Variants in PARD3 observed in about 807,000 individuals in gnomAD.
The protein encoded by PARD3 is par-3 family cell polarity regulator, also known as partitioning defective 3 homolog.
In PARD3, 75 loss-of-function variants were observed where a neutral mutation model predicts 155.4. The observed-to-expected ratio is 0.48, with a 90% CI of 0.40 to 0.58. The LOEUF (loss-of-function observed/expected upper bound fraction) is 0.58. Among genes scored for constraint, PARD3 ranks in the 20% least tolerant of loss-of-function variants. The pLI, the probability that PARD3 is intolerant of heterozygous loss-of-function variation, is 0.00. For synonymous variants in PARD3, 576 were observed against 610.5 expected (o/e 0.94, Z 0.83); for missense variants, 1,642 against 1,721.7 (o/e 0.95, Z 0.82).
Position 34,815,232 on chromosome 10 carries a change from C to A in PARD3, c.-237G>T. 6.4e-6 allele frequency: 1 copy of A among 156,922 alleles called. No individual in the cohort carries two copies. 9.7% of individuals were successfully genotyped at this position (156,922 alleles called of 1,614,324 possible). ...TGCCTCGCCTCTCCCCGCCGCGGCG[C>A]CCGCAGCCTCCGGCCACCTGTTCGG... On this transcript the variant is annotated 5_prime_UTR_variant, in exon 1 of 25. Transcript: ENST00000374788.
chr10:34,761,876 T>C (rs1837486888), intron 1 of PARD3, among the ~76,000 whole-genome samples: 2 of 152,156 alleles, frequency 1.3e-5, no homozygotes, highest in African/African-American at 4.8e-5. Context: ...GGGAGGATGA[T>C]GTGTCAAGGA....
chr10:34,198,592 AG>A (rs1951064782), intron 22 of PARD3, among the ~76,000 whole-genome samples: 1 of 152,028 alleles, frequency 6.6e-6, no homozygotes, highest in South Asian at 2.1e-4. Flanking sequence ...TCTGCATTTT[AG>A]AATATTTATA....
chr10:34,667,120 A>G (rs2093506348), intron 2 of PARD3, among the ~76,000 whole-genome samples: 1 of 152,142 alleles, frequency 6.6e-6, no homozygotes, highest in South Asian at 2.1e-4. Context: ...GTGAGCTGAG[A>G]TGACACCACT....
intron 22 of PARD3, among the ~76,000 whole-genome samples, chr10:34,141,425 C>T (rs1444430100): frequency 6.6e-6 from 1 of 152,146 alleles, no homozygotes; most frequent in Non-Finnish European, 1.5e-5. Context: ...AAATTAAAAA[C>T]ATACAGCTAT....
intron 15 of PARD3, chr10:34,343,147 T>C (rs1837015024): frequency 5.0e-6 from 1 of 199,332 alleles, no homozygotes; most frequent in Non-Finnish European, 9.0e-6. Flanking sequence ...GACATACTTT[T>C]TTCCTTCAAA....
chr10:34,298,129 T>A (rs999273641), intron 20 of PARD3, among the ~76,000 whole-genome samples: 4 of 152,272 alleles, frequency 2.6e-5, no homozygotes, highest in Non-Finnish European at 5.9e-5. Context: ...TATTCAGCCC[T>A]GTGTGTTGGC....
intron 23 of PARD3, among the ~76,000 whole-genome samples, chr10:34,129,369 T>G (rs1193338229): frequency 6.6e-6 from 1 of 152,096 alleles, no homozygotes; most frequent in Non-Finnish European, 1.5e-5. Context: ...TCCAGGCTGG[T>G]CTCGAACACC....
chr10:34,374,897 C>T lies in PARD3; in HGVS notation c.1645G>A (p.Asp549Asn). 1 of 1,614,014 alleles carries T rather than the reference C, an allele frequency of 6.2e-7. No homozygotes were observed. The highest frequency in any genetic ancestry group is 2.2e-5 in the East Asian group (1 of 44,870). ...TVSLLVFRQE[D>N]AFHPRELNAE... Reference sequence around the variant, plus strand: ...ACCAGTTCCCTTGGGTGGAAGGCGTCTTCCTGGCGAAAGACCAGAAGGCTC... The same window carrying T: ...ACCAGTTCCCTTGGGTGGAAGGCGTTTTCCTGGCGAAAGACCAGAAGGCTC... The change falls in exon 11 of 25, where the codon GAC (aspartate) becomes AAC (asparagine). Residue 549 changes from aspartate (D) to asparagine (N), a missense_variant. Transcript: ENST00000374788.
At chr10:34,239,635 C>T (rs968195078) in intron 22 of PARD3, among the ~76,000 whole-genome samples, 2 of 152,030 alleles carry the variant, frequency 1.3e-5, no homozygotes, top group Non-Finnish European at 2.9e-5. Context: ...AACTTCATCT[C>T]TGCTAAAAAT....
intron 22 of PARD3, among the ~76,000 whole-genome samples, chr10:34,133,626 C>T (rs1371241072): frequency 1.3e-5 from 2 of 152,176 alleles, no homozygotes; most frequent in Non-Finnish European, 1.5e-5. Flanking sequence ...CTGCTGGCTG[C>T]ACCCCTCCTG....
At chr10:34,737,180 G>A (rs146411068) in intron 1 of PARD3, among the ~76,000 whole-genome samples, 7 of 152,148 alleles carry the variant, frequency 4.6e-5, no homozygotes, top group Non-Finnish European at 8.8e-5. Context: ...CCAAGAATAC[G>A]GGGTGTTTAT....
intron 5 of PARD3, among the ~76,000 whole-genome samples, chr10:34,442,701 T>C (rs990460524): frequency 5.3e-5 from 8 of 152,102 alleles, no homozygotes; most frequent in Non-Finnish European, 1.0e-4. Flanking sequence ...GGACCCCACC[T>C]GTACAAAAAA....
intron 2 of PARD3, among the ~76,000 whole-genome samples, chr10:34,648,364 T>C (rs2092907843): frequency 6.6e-6 from 1 of 152,218 alleles, no homozygotes; most frequent in Non-Finnish European, 1.5e-5. Context: ...ATGGCTCATC[T>C]TTTCATGCTG....
rs556603419 is a variant in PARD3, at chr10:34,718,220, T to C, written c.121-21801A>G. Among the ~76,000 whole-genome samples, 5 of 150,500 alleles carry C rather than the reference T, an allele frequency of 3.3e-5. No individual in the cohort carries two copies. The South Asian group carries it at 1.0e-3, about 32-fold the overall frequency. On this transcript the variant is annotated intron_variant, in intron 1 of 24. Coordinates refer to ENST00000374788, the MANE Select transcript of PARD3 (RefSeq NM_001184785.2). The stretch of plus-strand genomic sequence containing the variant: ...TATATGAAAAGGTCACTAACAATAC[T>C]CAGTTATGGAAATTGTAACTGCCAA...
At chr10:34,118,661 T>C (rs1476254168) in intron 24 of PARD3, among the ~76,000 whole-genome samples, 3 of 152,182 alleles carry the variant, frequency 2.0e-5, no homozygotes, top group Non-Finnish European at 2.9e-5. Context: ...TCATCTTTAT[T>C]AGAAATTGAT....
At chr10:34,454,391 T>C (rs764556309) in intron 4 of PARD3, among the ~76,000 whole-genome samples, 2 of 152,120 alleles carry the variant, frequency 1.3e-5, no homozygotes, top group Non-Finnish European at 1.5e-5. Flanking sequence ...GAAATATACA[T>C]CATGCACTCT....
At chr10:34,639,241 C>G (rs898408976) in intron 2 of PARD3, among the ~76,000 whole-genome samples, 3 of 151,978 alleles carry the variant, frequency 2.0e-5, no homozygotes, top group Non-Finnish European at 4.4e-5. Context: ...ACTAAAAATA[C>G]AAAAATTAGC....
chr10:34,653,605 C>A (rs977894196), intron 2 of PARD3, among the ~76,000 whole-genome samples: 6 of 152,082 alleles, frequency 3.9e-5, no homozygotes, highest in Non-Finnish European at 8.8e-5. Flanking sequence ...CTCAGACCAA[C>A]ATCACACTTT....
intron 5 of PARD3, among the ~76,000 whole-genome samples, chr10:34,411,171 G>C (rs1447358533): frequency 6.6e-6 from 1 of 152,126 alleles, no homozygotes; most frequent in East Asian, 1.9e-4. Context: ...GAGGGAGATA[G>C]GGAGACAGAC....
Sources: allele counts gnomAD v4.1 joint callset (sites outside exome capture counted in the v4.1 genomes callset), GRCh38; gene constraint gnomAD v4.1.1; transcripts MANE v1.5; gene names NCBI Gene and HGNC (gene_info 2026-07-23, HGNC 2026-07-21).